TTLL11: variants seen among roughly 807,000 people sequenced by gnomAD.
TTLL11 encodes tubulin polyglutamylase TTLL11.
TTLL11 carries 42 observed loss-of-function variants against 51.7 expected under a neutral mutation model. The observed-to-expected ratio is 0.81, with a 90% CI of 0.64 to 1.05. The LOEUF (loss-of-function observed/expected upper bound fraction) is 1.05, where lower values mean the gene tolerates loss of function less well. Ranked by LOEUF, TTLL11 falls within the 50% of genes least tolerant of loss-of-function variation. The pLI is 0.00. For synonymous variants in TTLL11, 381 were observed against 383.5 expected (o/e 0.99, Z 0.08); for missense variants, 799 against 940.4 (o/e 0.85, Z 1.97).
Position 122,021,084 on chromosome 9 carries a change from G to A in TTLL11, c.693+10639C>T, listed in dbSNP as rs138162237. Among the ~76,000 whole-genome samples the A allele has an allele frequency of 2.5e-3, 366 of 148,652 alleles. 3 individuals carry two copies. The highest frequency in any genetic ancestry group is 4.3e-3 in the Non-Finnish European group (291 of 67,652). On this transcript the variant is annotated intron_variant, in intron 3 of 8. Transcript: ENST00000321582. ...ACTAGATTGACTCTTGCCCCGCATC[G>A]CTCGAGCAACCAAAAAGTAGACAAA...
intron 1 of TTLL11, among the ~76,000 whole-genome samples, chr9:122,092,052 G>C (rs772121709): frequency 6.6e-6 from 1 of 152,206 alleles, no homozygotes; most frequent in Non-Finnish European, 1.5e-5. Flanking sequence ...AGAGAGAAAG[G>C]AGAAGGTGGT....
chr9:122,021,079 G>A (rs972879980), intron 3 of TTLL11, among the ~76,000 whole-genome samples: 1 of 150,558 alleles, frequency 6.6e-6, no homozygotes, highest in African/African-American at 2.5e-5. Context: ...CTCTTGCCCC[G>A]CATCGCTCGA....
intron 6 of TTLL11, among the ~76,000 whole-genome samples, chr9:121,909,296 C>A (rs72765904): frequency 0.013 from 2,032 of 152,258 alleles, 21 homozygotes; most frequent in Non-Finnish European, 0.022. Context: ...CTCACATCTG[C>A]ACCTGCCGCC....
chr9:122,002,935 A>C, intron 3 of TTLL11, among the ~76,000 whole-genome samples: 1 of 122,660 alleles, frequency 8.2e-6, no homozygotes. Flanking sequence ...ACAGAGTGAG[A>C]CTCTGTCTCA....
chr9:121,976,749 A>G (rs917240077), intron 4 of TTLL11, among the ~76,000 whole-genome samples: 9 of 152,242 alleles, frequency 5.9e-5, no homozygotes, highest in Non-Finnish European at 1.3e-4. Flanking sequence ...AAGGGCAATA[A>G]GGATGAAAAG....
intron 6 of TTLL11, among the ~76,000 whole-genome samples, chr9:121,889,872 C>T (rs1340888319): frequency 6.8e-6 from 1 of 147,992 alleles, no homozygotes; most frequent in African/African-American, 2.5e-5. Flanking sequence ...TATACTCCAG[C>T]CTGGGCAACA....
At chr9:121,942,093 C>A (rs1294234490) in intron 6 of TTLL11, among the ~76,000 whole-genome samples, 1 of 152,198 alleles carries the variant, frequency 6.6e-6, no homozygotes, top group East Asian at 1.9e-4. Context: ...AGAATCAAAT[C>A]TATACTCTTA....
At chr9:122,001,991 C>T (rs1588194308) in intron 3 of TTLL11, among the ~76,000 whole-genome samples, 11 of 152,326 alleles carry the variant, frequency 7.2e-5, no homozygotes, top group Middle Eastern at 3.4e-3. Flanking sequence ...GGAAGCCAAG[C>T]TGAGCTGAGT....
chr9:121,988,949 T>A (rs1005067166), intron 4 of TTLL11: 2 of 815,962 alleles, frequency 2.5e-6, no homozygotes, highest in Non-Finnish European at 3.6e-6. Flanking sequence ...CAAGAACCTT[T>A]TAAGATAGGT....
chr9:122,014,210 C>G (rs963927571), intron 3 of TTLL11, among the ~76,000 whole-genome samples: 3 of 151,956 alleles, frequency 2.0e-5, no homozygotes, highest in African/African-American at 7.3e-5. Flanking sequence ...ACTAAAAATA[C>G]AAAAATTAGC....
chr9:121,959,283 C>T (rs1298256312), intron 6 of TTLL11, among the ~76,000 whole-genome samples: 7 of 152,154 alleles, frequency 4.6e-5, no homozygotes, highest in South Asian at 4.1e-4. Context: ...GTGTCTAATC[C>T]GCACATGGGG....
chr9:121,824,243 G>C (rs560920573), intron 8 of TTLL11, among the ~76,000 whole-genome samples: 1 of 152,088 alleles, frequency 6.6e-6, no homozygotes, highest in Non-Finnish European at 1.5e-5. Context: ...TTGGGAGGCC[G>C]AGGTGGGCGG....
chr9:121,895,539 G>A (rs1056605638), intron 6 of TTLL11, among the ~76,000 whole-genome samples: 1 of 151,070 alleles, frequency 6.6e-6, no homozygotes, highest in Non-Finnish European at 1.5e-5. Context: ...GTGACTGTGT[G>A]TTTCGTTGTA....
intron 3 of TTLL11, among the ~76,000 whole-genome samples, chr9:122,024,315 A>G (rs1231560738): frequency 6.6e-6 from 1 of 152,170 alleles, no homozygotes; most frequent in Non-Finnish European, 1.5e-5. Flanking sequence ...GGAAAGATAC[A>G]CCATGTCAAT....
At chr9:122,000,373 G>A (rs1029598461) in intron 3 of TTLL11, among the ~76,000 whole-genome samples, 2 of 149,642 alleles carry the variant, frequency 1.3e-5, no homozygotes, top group Non-Finnish European at 3.0e-5. Flanking sequence ...TCTGGAGGCT[G>A]AGGCAGGAGA....
intron 8 of TTLL11, among the ~76,000 whole-genome samples, chr9:121,827,659 A>G (rs904930839): frequency 2.0e-5 from 3 of 152,232 alleles, no homozygotes; most frequent in Admixed American, 6.5e-5. Flanking sequence ...CTCTGGTCCC[A>G]CAATGGCCCA....
chr9:122,061,526 C>G (rs1218876736), intron 1 of TTLL11, among the ~76,000 whole-genome samples: 2 of 152,204 alleles, frequency 1.3e-5, no homozygotes, highest in Non-Finnish European at 2.9e-5. Context: ...TTTAACACCA[C>G]TAAATATTGC....
intron 6 of TTLL11, among the ~76,000 whole-genome samples, chr9:121,908,054 A>G (rs1348535795): frequency 6.6e-6 from 1 of 152,228 alleles, no homozygotes; most frequent in Non-Finnish European, 1.5e-5. Context: ...GAGAAGGAGT[A>G]GGTGAACAAA....
chr9:121,825,332 C>T (rs1429189179), intron 8 of TTLL11, among the ~76,000 whole-genome samples: 1 of 152,166 alleles, frequency 6.6e-6, no homozygotes, highest in Non-Finnish European at 1.5e-5. Flanking sequence ...ACGGTGTGAT[C>T]TAAACAGCGC....
Sources: gnomAD v4.1 joint callset for allele counts (sites outside exome capture counted in the v4.1 genomes callset) on GRCh38, gnomAD v4.1.1 for gene constraint, MANE v1.5 for transcripts, NCBI Gene and HGNC (gene_info 2026-07-23, HGNC 2026-07-21) for gene names.